FBXO10: variants seen among roughly 807,000 people sequenced by gnomAD.
FBXO10 encodes the protein F-box protein 10, also known as F-box only protein 10.
Under a neutral mutation model 80.7 loss-of-function variants are expected in FBXO10, and 39 were observed. That is an observed-to-expected ratio of 0.48 (90% CI 0.37 to 0.63). FBXO10 has a LOEUF of 0.63. Among genes scored for constraint, FBXO10 ranks in the 30% least tolerant of loss-of-function variants. The probability of loss-of-function intolerance (pLI) is 0.00; values close to 1 mark genes in which losing one functional copy is unlikely to be tolerated. For synonymous variants in FBXO10, 449 were observed against 489.6 expected (o/e 0.92, Z 1.09); for missense variants, 1,025 against 1,269.0 (o/e 0.81, Z 2.92).
intron 7 of FBXO10, 51 bp from the exon 8 acceptor site, chr9:37,521,889 C>T: frequency 1.3e-6 from 2 of 1,504,776 alleles, no homozygotes; most frequent in Non-Finnish European, 8.8e-7. Flanking sequence ...GGTGAAGCGG[C>T]ACCTGAGTCT....
intron 1 of FBXO10, among the ~76,000 whole-genome samples, chr9:37,561,974 G>A (rs1045989056): frequency 6.6e-6 from 1 of 152,124 alleles, no homozygotes; most frequent in African/African-American, 2.4e-5. Context: ...ACAAGCCCTT[G>A]GCCAGTCTAA....
At chr9:37,516,604 CAGG>C (rs1173598639) in intron 9 of FBXO10, among the ~76,000 whole-genome samples, 1 of 152,204 alleles carries the variant, frequency 6.6e-6, no homozygotes, top group Admixed American at 6.5e-5. Context: ...ATATTGATAG[CAGG>C]ACAATTTACA....
intron 2 of FBXO10, 40 bp downstream of exon 2, chr9:37,541,144 G>A: frequency 1.3e-6 from 2 of 1,517,220 alleles, no homozygotes; most frequent in Non-Finnish European, 1.8e-6. Context: ...AGCCTCTGGG[G>A]TCAGAACTAG....
At chr9:37,538,416 G>C (rs968867045) in intron 2 of FBXO10, among the ~76,000 whole-genome samples, 2 of 152,326 alleles carry the variant, frequency 1.3e-5, no homozygotes, top group Middle Eastern at 3.4e-3. Flanking sequence ...GTGGTTAAAA[G>C]CATGGGCTCT....
chr9:37,572,280 TA>T (rs1207360623), intron 1 of FBXO10, among the ~76,000 whole-genome samples: 3 of 152,178 alleles, frequency 2.0e-5, no homozygotes, highest in Non-Finnish European at 4.4e-5. Flanking sequence ...GGAACTCTCA[TA>T]TACTCCTGGT....
chr9:37,524,164 C>A (rs1467210122), intron 6 of FBXO10, among the ~76,000 whole-genome samples: 1 of 152,194 alleles, frequency 6.6e-6, no homozygotes, highest in Non-Finnish European at 1.5e-5. Flanking sequence ...ACGGAAGGTT[C>A]TTTCCCAGCT....
chr9:37,539,898 G>T (rs1356425980), intron 2 of FBXO10, among the ~76,000 whole-genome samples: 2 of 152,124 alleles, frequency 1.3e-5, no homozygotes, highest in South Asian at 4.1e-4. Context: ...TGCTGTGGGG[G>T]TCCAATGAGG....
At position 37,529,130 on chromosome 9, in the gene FBXO10, A is replaced by G; in HGVS notation, c.1700T>C (p.Val567Ala). 1 of 1,613,964 alleles carries G rather than the reference A, an allele frequency of 6.2e-7. No individual in the cohort carries two copies. Among genetic ancestry groups the G allele is most frequent in the Non-Finnish European group, 8.5e-7 (1 of 1,179,868 alleles). The change falls in exon 5 of 11, where the codon GTT (valine) becomes GCT (alanine). Residue 567 changes from valine to alanine, a missense_variant. Val to Ala is a moderately conservative substitution (Grantham distance 64). Around this residue, in one of 3 missense-constraint regions of FBXO10, gnomAD observed 478 missense variants for 667.8 expected, o/e 0.72. Transcript: ENST00000432825. ...GIYILYHGNP[V>A]VSGNHIFKGR... ...GGGAAACAGCAGCACACACCTCACA[A>G]CGGGGTTTCCGTGGTACAGGATGTA...
Position 37,571,714 on chromosome 9 carries a change from C to CATATATATATATATATAT in FBXO10, c.-7+4479_-7+4496dup, listed in dbSNP as rs71494672. On this transcript the variant is annotated intron_variant, in intron 1 of 10. Transcript: ENST00000432825. ...CCATTTAAGAGGGTGAAAAGAGAGC[C>CATATATATATATATATAT]ATATATATATATATATATATATATA... Among the ~76,000 whole-genome samples, 336 of 93,054 alleles carry CATATATATATATATATAT rather than the reference C, an allele frequency of 3.6e-3. 5 individuals carry two copies. The highest frequency in any genetic ancestry group is 4.7e-3 in the African/African-American group (88 of 18,542). The allele number at this position is 93,054 out of a possible 152,430, so 61.0% of individuals were successfully genotyped here.
intron 1 of FBXO10, among the ~76,000 whole-genome samples, chr9:37,555,635 C>T (rs1055894920): frequency 6.6e-6 from 1 of 152,204 alleles, no homozygotes; most frequent in East Asian, 1.9e-4. Context: ...CCCACCTTGG[C>T]CTCCCAAAGC....
rs781767194 is a variant in FBXO10, at chr9:37,515,898, A to C, written c.2696+6T>G. ...AGGACTCGTTCAGGCAACCCCAAGC[A>C]CTCACTTTTTCTTGAAGACCAGGAA... On this transcript the variant is annotated splice_donor_region_variant and intron_variant, in intron 10 of 10. Transcript: ENST00000432825. 53 of 1,612,570 alleles carry C rather than the reference A, an allele frequency of 3.3e-5. No homozygotes were observed. Among genetic ancestry groups the C allele is most frequent in the Non-Finnish European group, 4.4e-5 (52 of 1,179,258 alleles).
intron 1 of FBXO10, among the ~76,000 whole-genome samples, chr9:37,569,426 TAGAC>T (rs1303764943): frequency 7.2e-6 from 1 of 139,140 alleles, no homozygotes; most frequent in East Asian, 2.1e-4. Flanking sequence ...AAAGATGAAG[TAGAC>T]AAATTCATAA....
At chr9:37,532,292 TTC>T (rs1171314954) in intron 3 of FBXO10, among the ~76,000 whole-genome samples, 1 of 144,276 alleles carries the variant, frequency 6.9e-6, no homozygotes, top group East Asian at 2.0e-4. Flanking sequence ...CTCACATTGG[TTC>T]TTTTTTTTTT....
chr9:37,541,137 C>T (rs1187626981), intron 2 of FBXO10, 47 bp downstream of exon 2: 41 of 1,498,666 alleles, frequency 2.7e-5, no homozygotes, highest in Non-Finnish European at 3.5e-5. Flanking sequence ...GAGGGCAAGC[C>T]TCTGGGGTCA....
At chr9:37,561,173 CT>C (rs78284002) in intron 1 of FBXO10, among the ~76,000 whole-genome samples, 1,388 of 129,800 alleles carry the variant, frequency 0.011, 17 homozygotes, top group African/African-American at 0.027. Context: ...ACAAAATCAA[CT>C]TTTTTTTTTT....
Position 37,541,205 on chromosome 9 carries a change from C to A in FBXO10, c.564G>T (p.Trp188Cys). 1 of 1,606,054 alleles carries A rather than the reference C, an allele frequency of 6.2e-7. No individual in the cohort carries two copies. The highest frequency in any genetic ancestry group is 8.5e-7 in the Non-Finnish European group (1 of 1,176,098). ...RLCNLVFTPA[W>C]FSPIMYKTTS... ...CCACCTTATACATGATGGGTGAGAACCAGGCTGGCGTGAAGACGAGGTTGC... is the reference window on the plus strand; with the variant it reads ...CCACCTTATACATGATGGGTGAGAAACAGGCTGGCGTGAAGACGAGGTTGC... The change falls in exon 2 of 11, where the codon TGG becomes TGT. Residue 188 changes from tryptophan to cysteine, a missense_variant. This residue lies in a region of FBXO10 where 450 missense variants were observed against 499.4 expected (regional missense o/e 0.90). Coordinates refer to ENST00000432825, the MANE Select transcript of FBXO10 (RefSeq NM_012166.3).
chr9:37,537,480 G>T lies in FBXO10; in HGVS notation c.1049C>A (p.Thr350Asn). The T allele has an allele frequency of 1.9e-6, 3 of 1,609,046 alleles. No homozygotes were observed. Among genetic ancestry groups the T allele is most frequent in the Non-Finnish European group, 2.5e-6 (3 of 1,177,746 alleles). The stretch of plus-strand genomic sequence containing the variant: ...CAGGCCTCCATCGCTGCTGTCCGGG[G>T]TCTGGGCCACCCTTTCACCATCACT... The part of the protein sequence containing the change: ...VGSDGERVAQ[T>N]PDSSDGGLSP... Residue 350 changes from threonine (T) to asparagine (N), a missense_variant, in exon 3 of 11, where the codon ACC becomes AAC. By Grantham distance (65) the Thr-to-Asn change is moderately conservative (BLOSUM62 0). Coordinates refer to ENST00000432825, the MANE Select transcript of FBXO10 (RefSeq NM_012166.3).
intron 1 of FBXO10, among the ~76,000 whole-genome samples, chr9:37,546,896 G>T (rs1822070602): frequency 6.6e-6 from 1 of 152,132 alleles, no homozygotes; most frequent in South Asian, 2.1e-4. Flanking sequence ...AGCCAGGCTG[G>T]TCTCAAACTT....
intron 8 of FBXO10, among the ~76,000 whole-genome samples, chr9:37,519,683 C>A (rs1454664759): frequency 6.6e-6 from 1 of 152,148 alleles, no homozygotes. Flanking sequence ...ACAGCATGGC[C>A]ACATGGAGGA....
Sources: gnomAD v4.1 joint callset for allele counts (sites outside exome capture counted in the v4.1 genomes callset) on GRCh38, gnomAD v4.1.1 for gene constraint, gnomAD v4.1.1 regional missense constraint, MANE v1.5 for transcripts, NCBI Gene and HGNC (gene_info 2026-07-23, HGNC 2026-07-21) for gene names.